PRKCB: variants seen among roughly 807,000 people sequenced by gnomAD.
PRKCB encodes the protein protein kinase C beta type.
PRKCB carries 13 observed loss-of-function variants against 81.5 expected under a neutral mutation model. The ratio of observed to expected loss-of-function variants is 0.16; its 90% CI spans 0.10 to 0.25. The LOEUF (loss-of-function observed/expected upper bound fraction) is 0.25. Ranked by LOEUF, PRKCB falls within the 10% of genes least tolerant of loss-of-function variation. PRKCB has a pLI of 1.00. For missense variants in PRKCB, 509 were observed against 875.7 expected (o/e 0.58, Z 5.29); for synonymous variants, 335 against 321.4 (o/e 1.04, Z -0.45).
intron 5 of PRKCB, among the ~76,000 whole-genome samples, chr16:24,040,796 A>G (rs1265015783): frequency 6.6e-6 from 1 of 152,212 alleles, no homozygotes; most frequent in African/African-American, 2.4e-5. Context: ...GAACATGCAG[A>G]AAATCTTAAG....
intron 16 of PRKCB, among the ~76,000 whole-genome samples, chr16:24,198,538 T>A (rs1471467389): frequency 6.6e-6 from 1 of 152,132 alleles, no homozygotes; most frequent in East Asian, 1.9e-4. Context: ...TGTTTTTAAT[T>A]AATTGCCCAG....
intron 2 of PRKCB, among the ~76,000 whole-genome samples, chr16:23,898,856 T>G (rs889666608): frequency 5.9e-5 from 9 of 152,210 alleles, no homozygotes; most frequent in Admixed American, 5.9e-4. Flanking sequence ...TCATCTAAAC[T>G]CCTTGCACCT....
At position 24,174,602 on chromosome 16, in the gene PRKCB, T is replaced by C. The variant is rs1460865765; in HGVS notation, c.1394+22T>C. On this transcript the variant is annotated intron_variant, in intron 12 of 16. Coordinates refer to ENST00000643927, the MANE Select transcript of PRKCB (RefSeq NM_002738.7). ...ACCGGTAAGTGAACACTGCTGTACT[T>C]TCCATCTCTTCATCTCCCTCAGCTC... 9 of 1,596,786 alleles carry C rather than the reference T, an allele frequency of 5.6e-6. No individual in the cohort carries two copies. The East Asian group carries it at 1.6e-4, about 28-fold the overall frequency.
intron 10 of PRKCB, among the ~76,000 whole-genome samples, chr16:24,161,522 T>G (rs1967257557): frequency 6.6e-6 from 1 of 152,200 alleles, no homozygotes; most frequent in Non-Finnish European, 1.5e-5. Flanking sequence ...TTTTTTTTAA[T>G]GTACCACAAG....
At chr16:23,890,010 A>G (rs1019730930) in intron 2 of PRKCB, among the ~76,000 whole-genome samples, 1 of 152,214 alleles carries the variant, frequency 6.6e-6, no homozygotes, top group Non-Finnish European at 1.5e-5. Flanking sequence ...AAAAGGACTT[A>G]TTCACTTATC....
chr16:24,066,999 G>A (rs1235901912), intron 5 of PRKCB, among the ~76,000 whole-genome samples: 1 of 151,288 alleles, frequency 6.6e-6, no homozygotes, highest in African/African-American at 2.4e-5. Flanking sequence ...ACAGGTGCAT[G>A]CCACTGAGCT....
intron 3 of PRKCB, among the ~76,000 whole-genome samples, chr16:24,014,648 T>C (rs1030363767): frequency 6.6e-6 from 1 of 152,244 alleles, no homozygotes; most frequent in Non-Finnish European, 1.5e-5. Flanking sequence ...CATTAATCTG[T>C]ACACATCTAG....
chr16:23,945,077 G>C lies in PRKCB; in HGVS notation c.206-43431G>C, dbSNP rs376694538. 5.3e-5 allele frequency among the ~76,000 whole-genome samples: 8 copies of C among 152,318 alleles called. No homozygotes were observed. In the East Asian group the frequency reaches 1.5e-3, roughly 29 times the overall value. ...AGAAGCATGAAGGTATTGAGGGCCA[G>C]AGAGGGGACTTCTAGGGACATGGAG... On this transcript the variant is annotated intron_variant, in intron 2 of 16. Transcript: ENST00000643927.
chr16:24,161,989 A>G (rs1967263180), intron 10 of PRKCB, among the ~76,000 whole-genome samples: 1 of 152,088 alleles, frequency 6.6e-6, no homozygotes, highest in Admixed American at 6.5e-5. Flanking sequence ...TTAGCAAAAC[A>G]TCTATTTTAA....
intron 7 of PRKCB, among the ~76,000 whole-genome samples, chr16:24,110,432 C>G (rs376547812): frequency 6.6e-6 from 1 of 150,898 alleles, no homozygotes; most frequent in African/African-American, 2.4e-5. Flanking sequence ...CAGGTTGTCT[C>G]GATCTCCTGA....
intron 5 of PRKCB, among the ~76,000 whole-genome samples, chr16:24,092,295 G>T (rs1325579441): frequency 2.0e-5 from 3 of 152,108 alleles, no homozygotes; most frequent in Non-Finnish European, 2.9e-5. Context: ...TTTTGTGTTG[G>T]GGTACACAAA....
chr16:24,181,063 A>T, intron 13 of PRKCB, 135 bp downstream of exon 13: 1 of 1,140,482 alleles, frequency 8.8e-7, no homozygotes, highest in South Asian at 1.8e-5. Context: ...CTATACTCTA[A>T]ATCCTCCCTT....
At chr16:23,917,501 G>C (rs1016860920) in intron 2 of PRKCB, among the ~76,000 whole-genome samples, 2 of 152,212 alleles carry the variant, frequency 1.3e-5, no homozygotes, top group Non-Finnish European at 2.9e-5. Flanking sequence ...TTGTTCATAT[G>C]ACCTGGCCTG....
chr16:24,079,202 C>G (rs544172570), intron 5 of PRKCB, among the ~76,000 whole-genome samples: 1 of 152,266 alleles, frequency 6.6e-6, no homozygotes, highest in South Asian at 2.1e-4. Flanking sequence ...AATGATAATC[C>G]CATCATCCTT....
At chr16:24,158,592 A>ATGTG (rs1967204476) in intron 10 of PRKCB, among the ~76,000 whole-genome samples, 1 of 151,068 alleles carries the variant, frequency 6.6e-6, no homozygotes, top group African/African-American at 2.4e-5. Context: ...ATGTATATGT[A>ATGTG]TATGTGTGTG....
intron 5 of PRKCB, among the ~76,000 whole-genome samples, chr16:24,086,298 C>G (rs538665976): frequency 1.2e-3 from 186 of 152,142 alleles, no homozygotes; most frequent in Non-Finnish European, 2.4e-3. Context: ...AGCAAAGGAC[C>G]AGGTAAACTG....
rs763989321 is a variant in PRKCB at position 23,836,247 on chromosome 16, C to T, written c.72C>T (p.Gly24=). The part of the protein sequence containing the change: ...EESTVRFARK[G]ALRQKNVHEV... ...GCACCGTGCGCTTCGCCCGCAAAGGCGCCCTCCGGCAGAAGAACGTGCATG... is the reference window on the plus strand; with the variant it reads ...GCACCGTGCGCTTCGCCCGCAAAGGTGCCCTCCGGCAGAAGAACGTGCATG... Residue 24 remains glycine, a synonymous_variant, in exon 1 of 17, where the codon GGC becomes GGT. Transcript: ENST00000643927. The T allele has an allele frequency of 6.2e-7, 1 of 1,601,766 alleles. No homozygotes were observed. The highest frequency in any genetic ancestry group is 1.7e-5 in the Admixed American group (1 of 59,498).
chr16:24,175,914 A>G (rs1429069590), intron 12 of PRKCB, among the ~76,000 whole-genome samples: 2 of 149,532 alleles, frequency 1.3e-5, no homozygotes, highest in South Asian at 2.2e-4. Context: ...CAAGGATGCA[A>G]TGAGCTGTGA....
intron 7 of PRKCB, among the ~76,000 whole-genome samples, chr16:24,094,809 G>GGA (rs1966418745): frequency 3.4e-5 from 4 of 116,650 alleles, no homozygotes; most frequent in African/African-American, 9.9e-5. Context: ...GGAAGGGAGG[G>GGA]AGGAAGGAAG....
Sources: allele counts gnomAD v4.1 joint callset (sites outside exome capture counted in the v4.1 genomes callset), GRCh38; gene constraint gnomAD v4.1.1; transcripts MANE v1.5; gene names NCBI Gene and HGNC (gene_info 2026-07-23, HGNC 2026-07-21).